LRRK1: variants seen among roughly 807,000 people sequenced by gnomAD.
The protein encoded by LRRK1 is leucine-rich repeat serine/threonine-protein kinase 1.
A neutral mutation model predicts 209.1 loss-of-function variants in LRRK1; 113 were observed. The observed-to-expected ratio is 0.54, with a 90% confidence interval of 0.46 to 0.63. The LOEUF (loss-of-function observed/expected upper bound fraction) is 0.63. Among genes scored for constraint, LRRK1 ranks in the 30% least tolerant of loss-of-function variants. The pLI is 0.00. For synonymous variants in LRRK1, 1,144 were observed against 1,099.7 expected (o/e 1.04, Z -0.80); for missense variants, 2,284 against 2,632.2 (o/e 0.87, Z 2.89).
intron 4 of LRRK1, among the ~76,000 whole-genome samples, chr15:100,986,963 A>C (rs375121020): frequency 6.6e-6 from 1 of 152,188 alleles, no homozygotes; most frequent in African/African-American, 2.4e-5. Flanking sequence ...CATGGTCCTG[A>C]AATATAATGC....
At position 101,069,324 on chromosome 15, in the gene LRRK1, C is replaced by T. The variant is rs925274426; in HGVS notation, c.*476C>T. 1 of 153,260 alleles carries T rather than the reference C, an allele frequency of 6.5e-6. No homozygotes were observed. The highest frequency in any genetic ancestry group is 1.5e-5 in the Non-Finnish European group (1 of 68,500). 9.5% of individuals were successfully genotyped at this position (153,260 alleles called of 1,614,324 possible). A position where few individuals can be genotyped will look rare whatever the true frequency, so the allele number is the denominator to read the frequency against. ...CTTTCCCCGCCAGAGACCTCAGGCT[C>T]TCAGCACATTCCACAGGCTCCTGAG... On this transcript the variant is annotated 3_prime_UTR_variant, in exon 34 of 34. Transcript: ENST00000388948.
chr15:100,993,280 C>G (rs1434156864), intron 6 of LRRK1, among the ~76,000 whole-genome samples: 1 of 152,028 alleles, frequency 6.6e-6, no homozygotes, highest in East Asian at 1.9e-4. Flanking sequence ...GTATTTGAGC[C>G]CTTTATGTGC....
Position 100,989,356 on chromosome 15 carries a change from C to T in LRRK1, c.720C>T (p.Phe240=), listed in dbSNP as rs753140244. 3.7e-6 allele frequency: 6 copies of T among 1,614,116 alleles called. No individual in the cohort carries two copies. The East Asian group carries it at 1.1e-4, about 30-fold the overall frequency. ...DPSKHLLRKY[F]IEASPLPSSY... The stretch of plus-strand genomic sequence containing the variant: ...GCAAACATCTGCTGAGAAAGTACTT[C>T]ATTGAAGCCAGTCCCTTGCCCAGCA... The change falls in exon 6 of 34, where the codon TTC becomes TTT. Residue 240 remains phenylalanine (F), a synonymous_variant. Coordinates refer to ENST00000388948, the MANE Select transcript of LRRK1 (RefSeq NM_024652.6).
chr15:101,067,500 T>A, intron 33 of LRRK1: 2 of 298,164 alleles, frequency 6.7e-6, no homozygotes, highest in Non-Finnish European at 1.4e-5. Flanking sequence ...TAGGCCTGTT[T>A]CCCTGCAGCA....
intron 12 of LRRK1, among the ~76,000 whole-genome samples, chr15:101,020,070 C>G (rs189955230): frequency 6.6e-6 from 1 of 152,242 alleles, no homozygotes; most frequent in Non-Finnish European, 1.5e-5. Flanking sequence ...CATTAACTAG[C>G]TTTTTTTCAT....
chr15:101,006,656 T>A (rs1285309392), intron 6 of LRRK1, among the ~76,000 whole-genome samples: 1 of 152,140 alleles, frequency 6.6e-6, no homozygotes, highest in Non-Finnish European at 1.5e-5. Context: ...TCTTCAGGGA[T>A]ACATGCTGAA....
intron 16 of LRRK1, among the ~76,000 whole-genome samples, chr15:101,025,413 G>A (rs1476152232): frequency 6.6e-6 from 1 of 152,224 alleles, no homozygotes; most frequent in African/African-American, 2.4e-5. Flanking sequence ...TGCTGCCTGG[G>A]CTGACATCCT....
chr15:101,026,162 C>T (rs2034023046), intron 17 of LRRK1, 25 bp downstream of exon 17: 2 of 1,609,512 alleles, frequency 1.2e-6, no homozygotes, highest in African/African-American at 2.7e-5. Context: ...TCGGGCAGCT[C>T]CTGCCTTCTT....
At position 101,069,440 on chromosome 15, in the gene LRRK1, C is replaced by T. The variant is rs1048326; in HGVS notation, c.*592C>T. 0.11 allele frequency: 16,724 copies of T among 152,484 alleles called. 1,087 individuals are homozygous for T. Among genetic ancestry groups the T allele is most frequent in the Non-Finnish European group, 0.15 (10,007 of 68,124 alleles). 9.4% of individuals were successfully genotyped at this position (152,484 alleles called of 1,614,324 possible). On this transcript the variant is annotated 3_prime_UTR_variant, in exon 34 of 34. Coordinates refer to ENST00000388948, the MANE Select transcript of LRRK1 (RefSeq NM_024652.6). ...GTGTGGGAAAGCCCTTGGGGGATCC[C>T]GGGTGAGGAGTGTTGCCCCATCCAG...
intron 2 of LRRK1, among the ~76,000 whole-genome samples, chr15:100,961,777 T>G (rs2029984181): frequency 1.3e-5 from 2 of 152,048 alleles, no homozygotes; most frequent in African/African-American, 4.8e-5. Flanking sequence ...GGGAAGTTTC[T>G]CTAACCACTC....
At chr15:101,057,289 C>T (rs530423674) in intron 28 of LRRK1, among the ~76,000 whole-genome samples, 4 of 151,972 alleles carry the variant, frequency 2.6e-5, no homozygotes, top group African/African-American at 4.9e-5. Context: ...GTTACTTCAC[C>T]GTGCAAACAA....
chr15:100,999,611 G>A (rs1310804482), intron 6 of LRRK1, among the ~76,000 whole-genome samples: 1 of 152,184 alleles, frequency 6.6e-6, no homozygotes, highest in African/African-American at 2.4e-5. Flanking sequence ...AATGAGTCCT[G>A]TATTAAGGAA....
chr15:101,006,390 AAAG>A (rs1422471465), intron 6 of LRRK1, among the ~76,000 whole-genome samples: 3,361 of 142,902 alleles, frequency 0.024, 106 homozygotes, highest in African/African-American at 0.093. Flanking sequence ...AAAAAAAAAA[AAAG>A]AAAAGGCATT....
intron 10 of LRRK1, among the ~76,000 whole-genome samples, chr15:101,012,997 C>T (rs111442401): frequency 1.3e-5 from 2 of 152,290 alleles, no homozygotes; most frequent in Admixed American, 6.5e-5. Flanking sequence ...TCTGTCTTCT[C>T]GTATTTCACA....
At chr15:101,007,663 A>C (rs1384979622) in intron 6 of LRRK1, among the ~76,000 whole-genome samples, 3 of 152,104 alleles carry the variant, frequency 2.0e-5, no homozygotes, top group African/African-American at 7.2e-5. Context: ...TCCTGCCGGG[A>C]GGCCGTTGTC....
chr15:101,068,746 C>T lies in LRRK1; in HGVS notation c.5946C>T (p.Cys1982=). Residue 1982 remains cysteine, a synonymous_variant, in exon 34 of 34, where the codon TGC becomes TGT. Coordinates refer to ENST00000388948, the MANE Select transcript of LRRK1 (RefSeq NM_024652.6). ...TTGAAAATGAAAACACAGAGTGGTG[C>T]CTGGCCGTCTGGAGGGGCTGGGGCG... is the stretch of plus-strand genomic sequence containing the variant. ...CTFENENTEW[C]LAVWRGWGAR... 1 of 1,613,920 alleles carries T rather than the reference C, an allele frequency of 6.2e-7. No homozygotes were observed. The highest frequency in any genetic ancestry group is 1.3e-5 in the African/African-American group (1 of 75,048).
intron 2 of LRRK1, among the ~76,000 whole-genome samples, chr15:100,956,455 C>CTTTTTTTTTTTTTTTTTTTTTTTTTTT (rs776326423): frequency 3.3e-5 from 2 of 60,530 alleles, no homozygotes; most frequent in Non-Finnish European, 5.7e-5. Context: ...TTTTTTTTTT[C>CTTTTTTTTTTTTTTTTTTTTTTTTTTT]TTTTTTTTTT....
chr15:100,956,853 C>A (rs892876897), intron 2 of LRRK1, among the ~76,000 whole-genome samples: 1 of 152,114 alleles, frequency 6.6e-6, no homozygotes, highest in Non-Finnish European at 1.5e-5. Flanking sequence ...TCAGTTTGCT[C>A]TTTTTCTAGT....
intron 20 of LRRK1, among the ~76,000 whole-genome samples, chr15:101,031,738 A>AT (rs60272012): frequency 0.11 from 15,671 of 142,688 alleles, 1,267 homozygotes; most frequent in East Asian, 0.45. Flanking sequence ...CCTCCCCACT[A>AT]TTTTTTTTTT....
Sources: gnomAD v4.1 joint callset for allele counts (sites outside exome capture counted in the v4.1 genomes callset) on GRCh38, gnomAD v4.1.1 for gene constraint, MANE v1.5 for transcripts, NCBI Gene and HGNC (gene_info 2026-07-23, HGNC 2026-07-21) for gene names.